Variants in SLC17A1 observed in about 807,000 individuals in gnomAD.
SLC17A1 encodes sodium-dependent phosphate transport protein 1.
SLC17A1 carries 51 observed loss-of-function variants against 53.5 expected under a neutral mutation model. The observed-to-expected ratio is 0.95, with a 90% CI of 0.76 to 1.20. SLC17A1 has a LOEUF of 1.20. Ranked by LOEUF, SLC17A1 falls within the 50% of genes most tolerant of loss-of-function variation. The probability of loss-of-function intolerance (pLI) is 0.00; values close to 1 mark genes in which losing one functional copy is unlikely to be tolerated. For missense variants in SLC17A1, 538 were observed against 568.2 expected (o/e 0.95, Z 0.54); for synonymous variants, 179 against 198.8 (o/e 0.90, Z 0.84).
the SLC17A1 span, among the ~76,000 whole-genome samples, chr6:25,737,211 A>C: frequency 1.8e-4 from 27 of 152,204 alleles, no homozygotes; most frequent in African/African-American, 6.5e-4. Context: ...TCTTGTAAAT[A>C]ATGTCATTAG....
At chr6:25,779,025 G>T (rs558071421), downstream of SLC17A1, 49 of 1,612,352 alleles carry the variant, frequency 3.0e-5, no homozygotes, top group African/African-American at 1.3e-4. Flanking sequence ...TTGGGTGACC[G>T]TTAATAACTT....
At chr6:25,726,812 T>C in the SLC17A1 span, 6 of 1,406,406 alleles carry the variant, frequency 4.3e-6, no homozygotes, top group African/African-American at 2.9e-5. Context: ...GCTGAGGTCA[T>C]TTGGAGCTGT....
At chr6:25,732,089 C>T in the SLC17A1 span, 1 of 1,021,608 alleles carries the variant, frequency 9.8e-7, no homozygotes, top group Non-Finnish European at 1.4e-6. Flanking sequence ...TTTTGTCCTC[C>T]TTCGAGTTTT....
At chr6:25,821,383 C>A (rs1202553740) in intron 3 of SLC17A1, among the ~76,000 whole-genome samples, 1 of 152,170 alleles carries the variant, frequency 6.6e-6, no homozygotes, top group African/African-American at 2.4e-5. Context: ...CAGTGAGGCA[C>A]ATCCTTATAG....
chr6:25,746,316 T>G, the SLC17A1 span, among the ~76,000 whole-genome samples: 14 of 152,182 alleles, frequency 9.2e-5, no homozygotes, highest in African/African-American at 3.4e-4. Context: ...GGAGTTCCTC[T>G]TCAAAGTGCA....
chr6:25,736,838 T>A, the SLC17A1 span, among the ~76,000 whole-genome samples: 1 of 152,204 alleles, frequency 6.6e-6, no homozygotes. Context: ...TGTACAAAAT[T>A]ACATGGTCCA....
the SLC17A1 span, chr6:25,773,622 T>G: frequency 6.2e-7 from 1 of 1,613,982 alleles, no homozygotes; most frequent in Non-Finnish European, 8.5e-7. Context: ...TATACCATTA[T>G]GGCGTACACA....
At chr6:25,812,775 C>G (rs1764202495) in intron 8 of SLC17A1, 56 bp downstream of exon 8, 2 of 1,376,008 alleles carry the variant, frequency 1.5e-6, no homozygotes. Flanking sequence ...TAGAGACAGA[C>G]AAATGTACAC....
chr6:25,733,754 G>A, the SLC17A1 span, among the ~76,000 whole-genome samples: 1 of 151,678 alleles, frequency 6.6e-6, no homozygotes, highest in East Asian at 1.9e-4. Flanking sequence ...TTTAGTATGT[G>A]GGTTATATCT....
downstream of SLC17A1, chr6:25,779,068 T>G (rs780708706): frequency 1.9e-6 from 3 of 1,613,636 alleles, no homozygotes; most frequent in East Asian, 6.7e-5. Context: ...CAGAGTTTGG[T>G]TGGAGAAATG....
chr6:25,755,044 CACAT>C, the SLC17A1 span, among the ~76,000 whole-genome samples: 42 of 88,534 alleles, frequency 4.7e-4, no homozygotes, highest in African/African-American at 1.5e-3. Flanking sequence ...CAGACACACA[CACAT>C]ACACACACAC....
chr6:25,757,043 C>A, the SLC17A1 span, among the ~76,000 whole-genome samples: 342 of 152,276 alleles, frequency 2.2e-3, 1 homozygote, highest in African/African-American at 7.4e-3. Flanking sequence ...TTACCAGAAC[C>A]ATTCCATTTG....
intron 3 of SLC17A1, among the ~76,000 whole-genome samples, chr6:25,824,627 T>C (rs528592084): frequency 6.6e-6 from 1 of 151,876 alleles, no homozygotes; most frequent in African/African-American, 2.4e-5. Context: ...TATTTGGAGG[T>C]AGATTTGTAT....
chr6:25,816,136 G>A (rs1764347809), intron 6 of SLC17A1, among the ~76,000 whole-genome samples: 1 of 152,058 alleles, frequency 6.6e-6, no homozygotes, highest in South Asian at 2.1e-4. Flanking sequence ...TTTGAAAGAA[G>A]CCAAAGGGAA....
Position 25,819,925 on chromosome 6 carries a change from A to C in SLC17A1, c.208-10T>G. 6.5e-7 allele frequency: 1 copy of C among 1,548,478 alleles called. No individual in the cohort carries two copies. Among genetic ancestry groups the C allele is most frequent in the Non-Finnish European group, 8.8e-7 (1 of 1,130,594 alleles). On this transcript the variant is annotated splice_polypyrimidine_tract_variant and intron_variant, in intron 3 of 12. Coordinates refer to ENST00000244527, the MANE Select transcript of SLC17A1 (RefSeq NM_005074.5). The stretch of plus-strand genomic sequence containing the variant: ...AATTATACATAGGGTTCTAAAAGAC[A>C]AGGGGGGACATGTCGAATCACTCTG...
the SLC17A1 span, among the ~76,000 whole-genome samples, chr6:25,741,543 T>C: frequency 1.3e-5 from 2 of 151,806 alleles, no homozygotes; most frequent in African/African-American, 4.8e-5. Flanking sequence ...GGTGAAACCC[T>C]GTCTGTACTG....
At chr6:25,785,531 A>G (rs890966890) in intron 12 of SLC17A1, among the ~76,000 whole-genome samples, 2 of 152,170 alleles carry the variant, frequency 1.3e-5, no homozygotes, top group African/African-American at 4.8e-5. Context: ...ACAAGAAAGT[A>G]AAAAAAGACA....
the SLC17A1 span, chr6:25,731,896 T>TCCCCG: frequency 6.2e-7 from 1 of 1,602,862 alleles, no homozygotes; most frequent in Non-Finnish European, 8.5e-7. Context: ...CTGGAGGTGA[T>TCCCCG]GGTCGAGCGC....
the SLC17A1 span, chr6:25,771,016 A>G: frequency 1.9e-6 from 3 of 1,612,212 alleles, no homozygotes; most frequent in Non-Finnish European, 2.5e-6. Flanking sequence ...ATCTTTGGTG[A>G]GTGTGCTTTT....
Sources: gnomAD v4.1 joint callset for allele counts (sites outside exome capture counted in the v4.1 genomes callset) on GRCh38, gnomAD v4.1.1 for gene constraint, MANE v1.5 for transcripts, NCBI Gene and HGNC (gene_info 2026-07-23, HGNC 2026-07-21) for gene names.